NEIL3: variants seen among roughly 807,000 people sequenced by gnomAD.
NEIL3 encodes the protein endonuclease 8-like 3.
In NEIL3, 48 loss-of-function variants were observed where a neutral mutation model predicts 57.5. The ratio of observed to expected loss-of-function variants is 0.83; its 90% CI spans 0.66 to 1.06. The LOEUF is 1.06. Among genes scored for constraint, NEIL3 ranks in the 50% least tolerant of loss-of-function variants. The pLI is 0.00. For missense variants in NEIL3, 717 were observed against 739.1 expected (o/e 0.97, Z 0.35); for synonymous variants, 261 against 253.2 (o/e 1.03, Z -0.29).
intron 2 of NEIL3, among the ~76,000 whole-genome samples, chr4:177,335,054 A>G (rs996492041): frequency 2.0e-5 from 3 of 152,204 alleles, no homozygotes; most frequent in African/African-American, 7.2e-5. Context: ...AAAGAAAACG[A>G]AAAGAATTGA....
intron 8 of NEIL3, among the ~76,000 whole-genome samples, chr4:177,355,857 C>T (rs1358294357): frequency 6.6e-6 from 1 of 152,108 alleles, no homozygotes; most frequent in Non-Finnish European, 1.5e-5. Flanking sequence ...GATGATTTAT[C>T]CTTGACTGGT....
chr4:177,353,770 T>C, intron 8 of NEIL3, 42 bp downstream of exon 8: 1 of 1,510,188 alleles, frequency 6.6e-7, no homozygotes. Flanking sequence ...AATTGCTTTT[T>C]TTTTTTTTTT....
chr4:177,357,587 T>C (rs560908659), intron 8 of NEIL3, among the ~76,000 whole-genome samples: 1 of 152,306 alleles, frequency 6.6e-6, no homozygotes, highest in East Asian at 1.9e-4. Flanking sequence ...CTGGTCTCTG[T>C]TCAGTTTTAT....
At chr4:177,344,583 C>T (rs992183958) in intron 6 of NEIL3, among the ~76,000 whole-genome samples, 38 of 151,342 alleles carry the variant, frequency 2.5e-4, no homozygotes, top group African/African-American at 7.3e-4. Flanking sequence ...GTTGGAGTCT[C>T]GGAGTCTCAC....
At chr4:177,361,664 A>C (rs544864366) in intron 9 of NEIL3, among the ~76,000 whole-genome samples, 106 of 152,320 alleles carry the variant, frequency 7.0e-4, no homozygotes, top group African/African-American at 2.5e-3. Flanking sequence ...CTTGAGGTCA[A>C]AATTAGTAAG....
chr4:177,357,071 G>C (rs1456728645), intron 8 of NEIL3: 1 of 152,132 alleles, frequency 6.6e-6, no homozygotes, highest in Non-Finnish European at 1.5e-5. Flanking sequence ...CTTGTCTCTT[G>C]GTTGCTTCTT....
intron 8 of NEIL3, among the ~76,000 whole-genome samples, chr4:177,359,288 G>C (rs180935531): frequency 2.1e-3 from 327 of 152,284 alleles, no homozygotes; most frequent in African/African-American, 7.5e-3. Context: ...TTTACAAATG[G>C]CTATTGAAGA....
Position 177,336,160 on chromosome 4 carries a change from T to C in NEIL3, c.466T>C (p.Cys156Arg). 1 of 1,613,886 alleles carries C rather than the reference T, an allele frequency of 6.2e-7. No homozygotes were observed. Residue 156 changes from cysteine (C) to arginine (R), a missense_variant, in exon 4 of 10, where the codon TGT becomes CGT. Physicochemically the swap from Cys to Arg is radical, Grantham distance 180 (BLOSUM62 -3). Transcript: ENST00000264596. ...RIRMMKELDV[C>R]SPEFSFLRAE... ...AAGAATGATGAAAGAATTAGATGTA[T>C]GTTCACCTGAATTTAGTTTCTTGAG...
At chr4:177,340,329 T>C (rs1351662962) in intron 5 of NEIL3, among the ~76,000 whole-genome samples, 1 of 152,236 alleles carries the variant, frequency 6.6e-6, no homozygotes, top group Non-Finnish European at 1.5e-5. Context: ...GGGATAATAA[T>C]GTTTCTCTGT....
chr4:177,349,994 A>T (rs1735318645), intron 6 of NEIL3, among the ~76,000 whole-genome samples: 2 of 152,244 alleles, frequency 1.3e-5, no homozygotes, highest in Non-Finnish European at 2.9e-5. Context: ...TCTGTAGAAG[A>T]TCTGATATTC....
chr4:177,335,903 CAAAT>C (rs760879944), intron 3 of NEIL3, 81 bp downstream of exon 3: 45 of 1,299,284 alleles, frequency 3.5e-5, no homozygotes, highest in African/African-American at 2.8e-4. Context: ...ACTAAAGAAA[CAAAT>C]AAATAAAGAG....
At chr4:177,366,676 G>T (rs1735697354), downstream of NEIL3, among the ~76,000 whole-genome samples, 1 of 152,206 alleles carries the variant, frequency 6.6e-6, no homozygotes, top group African/African-American at 2.4e-5. Context: ...TGGGATTACA[G>T]GCGTGAGCCA....
downstream of NEIL3, among the ~76,000 whole-genome samples, chr4:177,363,378 A>G (rs1255460735): frequency 6.6e-6 from 1 of 152,230 alleles, no homozygotes; most frequent in Non-Finnish European, 1.5e-5. Flanking sequence ...TGGCAAGAAC[A>G]AAACATGTTT....
chr4:177,309,919 C>A lies in NEIL3; in HGVS notation c.-35C>A. ...TTGCACAGCGGTATTCTCACCAGGC[C>A]CTGCAATCGGTGGGCCACAGTGCCG... is the stretch of plus-strand genomic sequence containing the variant. On this transcript the variant is annotated 5_prime_UTR_variant, in exon 1 of 10. Transcript: ENST00000264596. 6.3e-7 allele frequency: 1 copy of A among 1,598,862 alleles called. No individual in the cohort carries two copies. Among genetic ancestry groups the A allele is most frequent in the African/African-American group, 1.4e-5 (1 of 73,978 alleles).
chr4:177,355,316 A>AC (rs1356539718), intron 8 of NEIL3, among the ~76,000 whole-genome samples: 1 of 151,996 alleles, frequency 6.6e-6, no homozygotes, highest in Non-Finnish European at 1.5e-5. Context: ...TTGTTCCAGG[A>AC]CCCCCAGGAT....
In NEIL3 at chr4:177,354,059, G is replaced by T. The variant is rs571044253; in HGVS notation, c.1460+331G>T. ...GGGATTTACAGGCTTGAGCCACCATGCCCGGCTGGTTGCATTAAGTTTTAA... is the reference window on the plus strand; with the variant it reads ...GGGATTTACAGGCTTGAGCCACCATTCCCGGCTGGTTGCATTAAGTTTTAA... On this transcript the variant is annotated intron_variant, in intron 8 of 9. Coordinates refer to ENST00000264596, the MANE Select transcript of NEIL3 (RefSeq NM_018248.3). The T allele has an allele frequency of 2.6e-5, 6 of 227,928 alleles. No homozygotes were observed. The South Asian group carries it at 4.0e-4, about 15-fold the overall frequency. The allele number at this position is 227,928 out of a possible 1,614,324, so 14.1% of individuals were successfully genotyped here.
chr4:177,363,569 A>G (rs1280906786), downstream of NEIL3, among the ~76,000 whole-genome samples: 1 of 152,176 alleles, frequency 6.6e-6, no homozygotes, highest in Non-Finnish European at 1.5e-5. Context: ...GTACATTAGG[A>G]AGGAAACTGC....
chr4:177,339,514 GT>G (rs1316096548), intron 4 of NEIL3, among the ~76,000 whole-genome samples: 5 of 152,128 alleles, frequency 3.3e-5, no homozygotes, highest in Admixed American at 2.0e-4. Flanking sequence ...GTGGAAGTCG[GT>G]CATCATAAAG....
rs35683884 is a variant in NEIL3, at chr4:177,322,485, C to T, written c.183C>T (p.Ser61=). The stretch of plus-strand genomic sequence containing the variant: ...CTGCTGCACTGAATAATGATTCCAG[C>T]CAGAATGTCTTGAGCCTGTTTAATG... ...PQAAALNNDS[S]QNVLSLFNGY... Residue 61 remains serine (S), a synonymous_variant, in exon 2 of 10, where the codon AGC becomes AGT. Coordinates refer to ENST00000264596, the MANE Select transcript of NEIL3 (RefSeq NM_018248.3). 169 of 1,613,890 alleles carry T rather than the reference C, an allele frequency of 1.0e-4. 1 individual carries two copies. The African/African-American group carries it at 1.9e-3, about 18-fold the overall frequency.
Sources: gnomAD v4.1 joint callset for allele counts (sites outside exome capture counted in the v4.1 genomes callset) on GRCh38, gnomAD v4.1.1 for gene constraint, MANE v1.5 for transcripts, NCBI Gene and HGNC (gene_info 2026-07-23, HGNC 2026-07-21) for gene names.